The following TTN variants were observed in gnomAD, a reference collection of about 807,000 sequenced individuals.
The protein encoded by TTN is titin.
In TTN, 1,525 loss-of-function variants were observed where a neutral mutation model predicts 3,223.0. The observed-to-expected ratio is 0.47, with a 90% CI of 0.45 to 0.49. The LOEUF (loss-of-function observed/expected upper bound fraction) is 0.49, where lower values mean the gene tolerates loss of function less well. Among genes scored for constraint, TTN ranks in the 20% least tolerant of loss-of-function variants. The pLI, the probability that TTN is intolerant of heterozygous loss-of-function variation, is 0.00. For missense variants in TTN, 40,786 were observed against 43,424.0 expected, an observed-to-expected ratio of 0.94 and a Z score of 5.40; for synonymous variants, 14,094 against 15,161.0, an observed-to-expected ratio of 0.93 and a Z score of 5.17.
intron 17 of TTN, 122 bp downstream of exon 17, chr2:178,783,598 G>A: frequency 1.2e-6 from 1 of 852,934 alleles, no homozygotes; most frequent in Non-Finnish European, 1.9e-6. Flanking sequence ...CTTAAAATGA[G>A]CATCTGTAAG....
rs749118760 is a variant in TTN, at chr2:178,563,848, G to T, written c.82284C>A (p.Asn27428Lys). The change falls in exon 326 of 363, where the codon AAC (asparagine) becomes AAA (lysine). Residue 27428 changes from asparagine to lysine, a missense_variant. Coordinates refer to ENST00000589042, the MANE Select transcript of TTN (RefSeq NM_001267550.2). This position sits in a 1 kb window ranked among gnomAD's most constrained non-coding sequence, Gnocchi z 4.5. ...TQVSTEVQALNYKVTKLLPGN... is the reference protein window; with the variant it reads ...TQVSTEVQALKYKVTKLLPGN... Reference sequence around the variant, plus strand: ...CAGGAAGAAGTTTAGTAACTTTGTAGTTAAGGGCCTGTACCTCAGTTGAAA... The same window carrying T: ...CAGGAAGAAGTTTAGTAACTTTGTATTTAAGGGCCTGTACCTCAGTTGAAA... The T allele has an allele frequency of 4.3e-6, 7 of 1,613,728 alleles. No individual in the cohort carries two copies. The South Asian group carries it at 6.6e-5, about 15-fold the overall frequency.
At position 178,705,172 on chromosome 2, in the gene TTN, A is replaced by G; in HGVS notation, c.29604+2T>C. 6.2e-7 allele frequency: 1 copy of G among 1,611,668 alleles called. No homozygotes were observed. Among genetic ancestry groups the G allele is most frequent in the Non-Finnish European group, 8.5e-7 (1 of 1,179,266 alleles). On this transcript the variant is annotated splice_donor_variant, in intron 103 of 362. Coordinates refer to ENST00000589042, the MANE Select transcript of TTN (RefSeq NM_001267550.2). LOFTEE classifies it high-confidence loss of function. ...CATGATGCTATATATGAAGGAGCAT[A>G]CCAGTCTATGTGTCTCTTCTTCTTG...
chr2:178,673,338 A>G (rs965200665), intron 152 of TTN, among the ~76,000 whole-genome samples: 2 of 151,860 alleles, frequency 1.3e-5, no homozygotes, highest in Non-Finnish European at 2.9e-5. Context: ...AATAAAATCT[A>G]AAATGTGGGG....
rs527572444 is a variant in TTN at position 178,731,664 on chromosome 2, G to T, written c.17182+29C>A. On this transcript the variant is annotated intron_variant, in intron 58 of 362. Coordinates refer to ENST00000589042, the MANE Select transcript of TTN (RefSeq NM_001267550.2). ...AAAAAAGAATTGACTCTTCAGAAAA[G>T]CCAGTCCCTCACTGGAACCAACACT... is the stretch of plus-strand genomic sequence containing the variant. 63 of 1,586,182 alleles carry T rather than the reference G, an allele frequency of 4.0e-5. No homozygotes were observed. The South Asian group carries it at 6.7e-4, about 17-fold the overall frequency.
At chr2:178,620,173 G>A (rs771534214) in intron 248 of TTN, 44 bp downstream of exon 248, 26 of 1,579,214 alleles carry the variant, frequency 1.6e-5, no homozygotes, top group Admixed American at 3.8e-5. Flanking sequence ...TGTCAAAAGT[G>A]TATATATAGC....
At chr2:178,603,378 C>T (rs2053965855) in intron 282 of TTN, among the ~76,000 whole-genome samples, 2 of 151,944 alleles carry the variant, frequency 1.3e-5, no homozygotes, top group Admixed American at 1.3e-4. Context: ...CGAATCTGCT[C>T]ACAGATCTTT....
intron 335 of TTN, among the ~76,000 whole-genome samples, 169 bp from the exon 336 acceptor site, chr2:178,551,429 C>T (rs1377713599): frequency 6.6e-6 from 1 of 152,100 alleles, no homozygotes. Flanking sequence ...TTTCAACTTT[C>T]CATTTCATAG....
At chr2:178,622,587 CTT>C in intron 243 of TTN, 81 bp downstream of exon 243, 11 of 1,074,450 alleles carry the variant, frequency 1.0e-5, no homozygotes, top group Non-Finnish European at 1.5e-5. Flanking sequence ...TTGTGACTAA[CTT>C]TTTTTTTTCC....
Position 178,591,116 on chromosome 2 carries a change from A to G in TTN, c.60609T>C (p.Pro20203=), listed in dbSNP as rs2050112979. The change falls in exon 304 of 363, where the codon CCT becomes CCC. Residue 20203 remains proline, a synonymous_variant. Transcript: ENST00000589042. The part of the protein sequence containing the change: ...WQPPKDDGGS[P]VINYIVEKQD... ...GTTTCTCAACAATATAATTTATCACAGGGCTTCCTCCATCATCCTTAGGTG... is the reference window on the plus strand; with the variant it reads ...GTTTCTCAACAATATAATTTATCACGGGGCTTCCTCCATCATCCTTAGGTG... 6.2e-7 allele frequency: 1 copy of G among 1,613,124 alleles called. No homozygotes were observed. The highest frequency in any genetic ancestry group is 8.5e-7 in the Non-Finnish European group (1 of 1,179,512).
At position 178,632,551 on chromosome 2, in the gene TTN, G is replaced by T. The variant is rs769249986; in HGVS notation, c.43455C>A (p.His14485Gln). 1.9e-6 allele frequency: 3 copies of T among 1,613,276 alleles called. No homozygotes were observed. The South Asian group carries it at 3.3e-5, about 18-fold the overall frequency. ...AKYMFEAEDK[H>Q]TSGKLIIEGI... ...CTTCAATGATCAGTTTGCCACTTGT[G>T]TGCTTATCTTCAGCTTCAAACATGT... The change falls in exon 235 of 363, where the codon CAC (histidine) becomes CAA (glutamine). Residue 14485 changes from histidine (H) to glutamine (Q), a missense_variant. His to Gln is a conservative substitution (Grantham distance 24). Transcript: ENST00000589042.
intron 217 of TTN, among the ~76,000 whole-genome samples, chr2:178,645,365 A>AG (rs1230524102): frequency 6.6e-6 from 1 of 151,976 alleles, no homozygotes; most frequent in East Asian, 1.9e-4. Context: ...TTAAGTTGCA[A>AG]GAAAAAAAAA....
chr2:178,703,998 T>G, intron 106 of TTN, 149 bp downstream of exon 106: 1 of 1,031,408 alleles, frequency 9.7e-7, no homozygotes, highest in Non-Finnish European at 1.4e-6. Context: ...TGTATGAACT[T>G]TGAGATGAAT....
At chr2:178,692,700 C>T in intron 119 of TTN, 120 bp from the exon 120 acceptor site, 1 of 716,346 alleles carries the variant, frequency 1.4e-6, no homozygotes, top group Non-Finnish European at 2.2e-6. Context: ...GAAAATTATG[C>T]TTTAGAAATG....
chr2:178,584,160 A>G, intron 311 of TTN, 116 bp downstream of exon 311: 2 of 1,222,766 alleles, frequency 1.6e-6, no homozygotes, highest in Non-Finnish European at 2.2e-6. Flanking sequence ...GGGAGTTGTA[A>G]TCTTCAGATC....
In TTN at chr2:178,562,540, G is replaced by C. The variant is rs760755965; in HGVS notation, c.83592C>G (p.Pro27864=). Residue 27864 remains proline, a synonymous_variant, in exon 326 of 363, where the codon CCC becomes CCG. Transcript: ENST00000589042. ...TTEPVKVSEP[P]LPPGRVTLVD... ...CAAGAGTTACTCTTCCAGGTGGGAGGGGTGGTTCAGACACTTTAACGGGTT... is the reference window on the plus strand; with the variant it reads ...CAAGAGTTACTCTTCCAGGTGGGAGCGGTGGTTCAGACACTTTAACGGGTT... 1 of 1,610,284 alleles carries C rather than the reference G, an allele frequency of 6.2e-7. No homozygotes were observed. The highest frequency in any genetic ancestry group is 8.5e-7 in the Non-Finnish European group (1 of 1,178,584).
rs371660109 is a variant in TTN at position 178,790,086 on chromosome 2, T to C, written c.1830A>G (p.Val610=). 8.7e-6 allele frequency: 14 copies of C among 1,613,034 alleles called. No individual in the cohort carries two copies. The African/African-American group carries it at 1.7e-4, about 20-fold the overall frequency. ...TGGGTGTGGCAACTATGACTTTAGG[T>C]ACAACTGTTTTCCTAGTTTCCTTCA... The part of the protein sequence containing the change: ...KIMKETRKTV[V]PKVIVATPKV... The change falls in exon 12 of 363, where the codon GTA becomes GTG. Residue 610 remains valine (V), a synonymous_variant. Coordinates refer to ENST00000589042, the MANE Select transcript of TTN (RefSeq NM_001267550.2).
chr2:178,679,614 C>A lies in TTN; in HGVS notation c.33649G>T (p.Ala11217Ser), dbSNP rs1278028277. The change falls in exon 141 of 363, where the codon GCT becomes TCT. Residue 11217 changes from alanine (A) to serine (S), a missense_variant. Transcript: ENST00000589042. ...KPVPVPKKKE[A>S]PPAKVPEVPK... ...GGTGGTGTACCTTTTGCCGGTGGAG[C>A]TTCCTTCTTCTTGGGAACAGGAACA... 3.1e-6 allele frequency: 5 copies of A among 1,611,054 alleles called. No homozygotes were observed. The highest frequency in any genetic ancestry group is 3.4e-6 in the Non-Finnish European group (4 of 1,178,920).
chr2:178,777,345 G>A (rs755018459), intron 26 of TTN, 28 bp from the exon 27 acceptor site: 2 of 1,613,322 alleles, frequency 1.2e-6, no homozygotes, highest in Non-Finnish European at 1.7e-6. Flanking sequence ...TGATTTAGAG[G>A]GAGTAAGGCT....
chr2:178,588,975 G>C lies in TTN; in HGVS notation c.62750C>G (p.Thr20917Ser). The change falls in exon 304 of 363, where the codon ACT becomes AGT. Residue 20917 changes from threonine to serine, a missense_variant. Physicochemically the swap from Thr to Ser is moderately conservative, Grantham distance 58. Transcript: ENST00000589042. ...TACTGTAGTACCAGGTGTCAAGACA[G>C]TAGCAGAATAGGTAGACCAAACCAT... ...KRMVWSTYSA[T>S]VLTPGTTVTR... The C allele has an allele frequency of 1.2e-6, 2 of 1,612,308 alleles. No homozygotes were observed. Among genetic ancestry groups the C allele is most frequent in the Non-Finnish European group, 1.7e-6 (2 of 1,179,346 alleles).
Sources: allele counts gnomAD v4.1 joint callset (sites outside exome capture counted in the v4.1 genomes callset), GRCh38; gene constraint gnomAD v4.1.1; non-coding constraint Gnocchi (gnomAD v3.1); transcripts MANE v1.5; gene names NCBI Gene and HGNC (gene_info 2026-07-23, HGNC 2026-07-21).